The following TENM2 variants were observed in gnomAD, a reference collection of about 807,000 sequenced individuals.
TENM2 encodes teneurin transmembrane protein 2.
A neutral mutation model predicts 245.2 loss-of-function variants in TENM2; 52 were observed. That is an observed-to-expected ratio of 0.21 (90% CI 0.17 to 0.27). The LOEUF is 0.27. TENM2 is among the 10% of genes least tolerant of loss of function. TENM2 has a pLI of 1.00. For missense variants in TENM2, 3,046 were observed against 3,666.8 expected (o/e 0.83, Z 4.37); for synonymous variants, 1,363 against 1,438.9 (o/e 0.95, Z 1.19).
chr5:167,445,623 G>A (rs1391786631), intron 2 of TENM2, among the ~76,000 whole-genome samples: 2 of 152,074 alleles, frequency 1.3e-5, no homozygotes, highest in Non-Finnish European at 2.9e-5. Flanking sequence ...TCTCACCTAT[G>A]AGAAAGCTAA....
intron 2 of TENM2, among the ~76,000 whole-genome samples, chr5:167,421,219 C>G (rs1380456416): frequency 6.6e-6 from 1 of 152,168 alleles, no homozygotes; most frequent in Admixed American, 6.5e-5. Context: ...CTGACTTAGG[C>G]CACTGATCCA....
intron 5 of TENM2, among the ~76,000 whole-genome samples, chr5:168,031,739 G>T (rs1435893409): frequency 6.8e-6 from 1 of 146,154 alleles, no homozygotes; most frequent in Non-Finnish European, 1.5e-5. Context: ...GAAGGAAGGA[G>T]TGAGGGAGGA....
chr5:168,146,929 C>T (rs1476605533), intron 12 of TENM2, among the ~76,000 whole-genome samples: 4 of 152,062 alleles, frequency 2.6e-5, no homozygotes, highest in South Asian at 2.1e-4. Context: ...CATCAGGGGA[C>T]CCCCCCTTCA....
intron 2 of TENM2, among the ~76,000 whole-genome samples, chr5:167,797,013 A>C (rs574843067): frequency 6.6e-6 from 1 of 151,758 alleles, no homozygotes; most frequent in South Asian, 2.1e-4. Context: ...ACATGGATCC[A>C]CTCTCCAGTT....
At chr5:167,859,349 C>A (rs1426393892) in intron 2 of TENM2, among the ~76,000 whole-genome samples, 1 of 147,590 alleles carries the variant, frequency 6.8e-6, no homozygotes, top group African/African-American at 2.5e-5. Flanking sequence ...AGCGTCTCCG[C>A]CCGGCAGCCA....
At chr5:167,958,848 C>T (rs964461413) in intron 4 of TENM2, among the ~76,000 whole-genome samples, 3 of 152,166 alleles carry the variant, frequency 2.0e-5, no homozygotes, top group African/African-American at 7.2e-5. Flanking sequence ...CAGAGAGATC[C>T]ACTGTTAGTC....
intron 2 of TENM2, among the ~76,000 whole-genome samples, chr5:167,617,089 T>C (rs1281660821): frequency 1.3e-5 from 2 of 152,218 alleles, no homozygotes; most frequent in Non-Finnish European, 2.9e-5. Context: ...TGTTGGAAAC[T>C]ATGGTGCTTT....
intron 2 of TENM2, among the ~76,000 whole-genome samples, chr5:167,567,496 T>C (rs1207210687): frequency 6.6e-6 from 1 of 152,162 alleles, no homozygotes; most frequent in Non-Finnish European, 1.5e-5. Context: ...CCCTATAGAA[T>C]TGAGAACTCT....
intron 2 of TENM2, among the ~76,000 whole-genome samples, chr5:167,670,461 GTCTC>G (rs1433732286): frequency 1.3e-5 from 2 of 151,284 alleles, no homozygotes; most frequent in African/African-American, 4.9e-5. Flanking sequence ...TTCTCTCTCT[GTCTC>G]TCTCTCTAAT....
chr5:168,059,736 T>C (rs1361961399), intron 6 of TENM2, among the ~76,000 whole-genome samples: 2 of 152,178 alleles, frequency 1.3e-5, no homozygotes, highest in Non-Finnish European at 2.9e-5. Flanking sequence ...GATCAACTTG[T>C]TGTGATAACA....
intron 5 of TENM2, among the ~76,000 whole-genome samples, chr5:167,996,589 C>T (rs1032343635): frequency 6.6e-6 from 1 of 152,066 alleles, no homozygotes; most frequent in Non-Finnish European, 1.5e-5. Context: ...ATCATGTAAC[C>T]AAAGTATTTT....
the TENM2 span, among the ~76,000 whole-genome samples, chr5:167,217,673 C>A: frequency 6.8e-6 from 1 of 148,016 alleles, no homozygotes; most frequent in Admixed American, 6.8e-5. Context: ...TGCATATGAA[C>A]CTCCTATATA....
chr5:167,256,759 G>A, the TENM2 span, among the ~76,000 whole-genome samples: 103 of 152,096 alleles, frequency 6.8e-4, no homozygotes, highest in African/African-American at 2.2e-3. Context: ...GATTTACTTG[G>A]TGAAAAAGCA....
intron 2 of TENM2, among the ~76,000 whole-genome samples, chr5:167,456,748 TCATC>T (rs540868298): frequency 5.3e-5 from 8 of 152,258 alleles, no homozygotes; most frequent in Non-Finnish European, 1.2e-4. Context: ...ATTTTAGTTT[TCATC>T]CATCTAATTT....
intron 4 of TENM2, among the ~76,000 whole-genome samples, chr5:167,981,331 T>A (rs1025145213): frequency 6.6e-6 from 1 of 152,278 alleles, no homozygotes; most frequent in African/African-American, 2.4e-5. Flanking sequence ...CCTGCACAAC[T>A]GGAGAAGTGA....
intron 3 of TENM2, among the ~76,000 whole-genome samples, chr5:167,950,606 A>G (rs1780008477): frequency 6.6e-6 from 1 of 152,092 alleles, no homozygotes; most frequent in African/African-American, 2.4e-5. Context: ...CACCACTTGG[A>G]TGGGAGTTGA....
intron 2 of TENM2, among the ~76,000 whole-genome samples, chr5:167,765,982 G>A (rs531869163): frequency 6.6e-6 from 1 of 152,262 alleles, no homozygotes; most frequent in African/African-American, 2.4e-5. Flanking sequence ...TTGCAACAGT[G>A]GGCAAGATCT....
chr5:167,694,189 C>G (rs1373252137), intron 2 of TENM2, among the ~76,000 whole-genome samples: 1 of 152,154 alleles, frequency 6.6e-6, no homozygotes, highest in Non-Finnish European at 1.5e-5. Flanking sequence ...CCCAAGTGAG[C>G]CCATTTAACA....
chr5:168,049,671 CTT>C (rs1788905938), intron 6 of TENM2, among the ~76,000 whole-genome samples: 1 of 152,200 alleles, frequency 6.6e-6, no homozygotes, highest in Non-Finnish European at 1.5e-5. Context: ...TCCATTGTGT[CTT>C]TGGAAAGACC....
Sources: allele counts gnomAD v4.1 joint callset (sites outside exome capture counted in the v4.1 genomes callset), GRCh38; gene constraint gnomAD v4.1.1; transcripts MANE v1.5; gene names NCBI Gene and HGNC (gene_info 2026-07-23, HGNC 2026-07-21).